Variants in NCOA3 observed in about 807,000 individuals in gnomAD.
NCOA3 encodes the protein CBP-interacting protein.
In NCOA3, 51 loss-of-function variants were observed where a neutral mutation model predicts 158.8. The ratio of observed to expected loss-of-function variants is 0.32; its 90% CI spans 0.26 to 0.41. NCOA3 has a LOEUF of 0.41. Ranked by LOEUF, NCOA3 falls within the 10% of genes least tolerant of loss-of-function variation. NCOA3 has a pLI of 1.00. For synonymous variants in NCOA3, 537 were observed against 592.4 expected (o/e 0.91, Z 1.36); for missense variants, 1,510 against 1,746.6 (o/e 0.86, Z 2.41).
chr20:47,610,097 C>G (rs1273961503), intron 2 of NCOA3, among the ~76,000 whole-genome samples: 14 of 152,024 alleles, frequency 9.2e-5, no homozygotes, highest in Non-Finnish European at 2.1e-4. Flanking sequence ...TATTTTTTAA[C>G]TTTTTGATAT....
intron 2 of NCOA3, among the ~76,000 whole-genome samples, chr20:47,593,334 ATTT>A (rs71183267): frequency 2.7e-4 from 17 of 63,746 alleles, no homozygotes; most frequent in South Asian, 6.0e-4. Context: ...GAGTTGATGG[ATTT>A]TTTTTTTTTT....
chr20:47,582,233 A>G (rs1163811648), intron 1 of NCOA3, among the ~76,000 whole-genome samples: 2 of 151,946 alleles, frequency 1.3e-5, no homozygotes, highest in Admixed American at 1.3e-4. Context: ...TATTTTTGAG[A>G]TGGAGTTTTG....
intron 8 of NCOA3, among the ~76,000 whole-genome samples, chr20:47,632,919 G>C (rs1347131186): frequency 6.6e-6 from 1 of 152,126 alleles, no homozygotes; most frequent in East Asian, 1.9e-4. Flanking sequence ...TTGACCTCGT[G>C]ATCTGCCTGC....
intron 2 of NCOA3, among the ~76,000 whole-genome samples, chr20:47,584,292 C>G (rs957546191): frequency 6.6e-6 from 1 of 151,978 alleles, no homozygotes; most frequent in Non-Finnish European, 1.5e-5. Flanking sequence ...GAAACCTTGT[C>G]TCTAGAAAAT....
intron 2 of NCOA3, among the ~76,000 whole-genome samples, chr20:47,603,468 C>T (rs1809957273): frequency 6.6e-6 from 1 of 152,224 alleles, no homozygotes; most frequent in African/African-American, 2.4e-5. Flanking sequence ...CCCAAGTAGG[C>T]ATGTGTTACA....
chr20:47,527,401 G>A (rs2084474003), intron 1 of NCOA3, among the ~76,000 whole-genome samples: 1 of 151,894 alleles, frequency 6.6e-6, no homozygotes, highest in Non-Finnish European at 1.5e-5. Context: ...TGTTGCTGTT[G>A]TTGTGTCATA....
chr20:47,624,542 A>G (rs74347603), intron 4 of NCOA3, among the ~76,000 whole-genome samples: 3,490 of 152,250 alleles, frequency 0.023, 55 homozygotes, highest in South Asian at 0.039. Context: ...GTTAATACAG[A>G]TGAAACTTTG....
chr20:47,585,255 T>C (rs1241445529), intron 2 of NCOA3, among the ~76,000 whole-genome samples: 3 of 152,130 alleles, frequency 2.0e-5, no homozygotes, highest in Admixed American at 2.0e-4. Context: ...TTTCACCATG[T>C]TGGCCAGGCT....
intron 19 of NCOA3, among the ~76,000 whole-genome samples, chr20:47,650,032 G>C (rs1602545898): frequency 6.6e-6 from 1 of 151,788 alleles, no homozygotes; most frequent in East Asian, 1.9e-4. Flanking sequence ...TCATGTTTCA[G>C]CCCTCCACCA....
At chr20:47,652,715 T>C (rs1301335979) in intron 21 of NCOA3, 135 bp downstream of exon 21, 4 of 1,003,220 alleles carry the variant, frequency 4.0e-6, no homozygotes, top group African/African-American at 1.6e-5. Flanking sequence ...GTGATTTGGC[T>C]TGTCCATTTT....
In NCOA3 at chr20:47,652,523, C is replaced by T. The variant is rs1490196004; in HGVS notation, c.4064C>T (p.Ser1355Phe). The change falls in exon 21 of 23, where the codon TCC becomes TTC. Residue 1355 changes from serine (S) to phenylalanine (F), a missense_variant. This residue lies in a region of NCOA3 where 180 missense variants were observed against 199.3 expected (regional missense o/e 0.90). Transcript: ENST00000371998. The stretch of plus-strand genomic sequence containing the variant: ...ATGATGCAACACCCGCAGGCTGCAT[C>T]CATCTATCAGTCCTCAGAAATGAAG... ...NPMMQHPQAASIYQSSEMKGW... is the reference protein window; with the variant it reads ...NPMMQHPQAAFIYQSSEMKGW... 5 of 1,614,060 alleles carry T rather than the reference C, an allele frequency of 3.1e-6. No individual in the cohort carries two copies. Among genetic ancestry groups the T allele is most frequent in the Admixed American group, 1.7e-5 (1 of 60,028 alleles).
chr20:47,616,585 A>G (rs865924058), intron 2 of NCOA3, among the ~76,000 whole-genome samples: 10 of 152,206 alleles, frequency 6.6e-5, no homozygotes, highest in African/African-American at 2.4e-4. Flanking sequence ...CATTTTAGAT[A>G]AGGAAAATAA....
chr20:47,637,842 G>A, intron 13 of NCOA3, 59 bp downstream of exon 13: 1 of 1,459,520 alleles, frequency 6.9e-7, no homozygotes, highest in Non-Finnish European at 9.3e-7. Flanking sequence ...CTGCATACCT[G>A]TAAACACTCT....
intron 20 of NCOA3, 78 bp from the exon 21 acceptor site, chr20:47,652,325 AAAC>A (rs1429315297): frequency 7.3e-7 from 1 of 1,370,034 alleles, no homozygotes; most frequent in Non-Finnish European, 1.0e-6. Context: ...TTTAAAAAAA[AAAC>A]AAAATTACTA....
intron 1 of NCOA3, among the ~76,000 whole-genome samples, chr20:47,522,421 T>G (rs549745307): frequency 4.3e-4 from 65 of 150,232 alleles, no homozygotes; most frequent in Non-Finnish European, 8.3e-4. Flanking sequence ...TTTTTTTTTT[T>G]TTTGTGGTTT....
intron 1 of NCOA3, among the ~76,000 whole-genome samples, chr20:47,509,762 A>C (rs990399250): frequency 2.0e-5 from 3 of 152,144 alleles, no homozygotes; most frequent in African/African-American, 7.2e-5. Context: ...AAAATTTGGC[A>C]ATTTTATTTG....
At chr20:47,641,406 A>G (rs1248935745) in intron 16 of NCOA3, among the ~76,000 whole-genome samples, 1 of 124,794 alleles carries the variant, frequency 8.0e-6, no homozygotes, top group Non-Finnish European at 1.6e-5. Flanking sequence ...CGGCTCAAGG[A>G]TCTCCTGGGC....
intron 3 of NCOA3, 99 bp from the exon 4 acceptor site, chr20:47,623,812 T>G: frequency 3.9e-6 from 4 of 1,019,826 alleles, no homozygotes; most frequent in Non-Finnish European, 5.6e-6. Flanking sequence ...AAAAAAGTAA[T>G]CATGTAATAG....
chr20:47,531,352 C>T (rs2084542663), intron 1 of NCOA3, among the ~76,000 whole-genome samples: 1 of 151,860 alleles, frequency 6.6e-6, no homozygotes, highest in Non-Finnish European at 1.5e-5. Flanking sequence ...AACAAACAAA[C>T]AAACAAACAA....
Sources: gnomAD v4.1 joint callset for allele counts (sites outside exome capture counted in the v4.1 genomes callset) on GRCh38, gnomAD v4.1.1 for gene constraint, gnomAD v4.1.1 regional missense constraint, MANE v1.5 for transcripts, NCBI Gene and HGNC (gene_info 2026-07-23, HGNC 2026-07-21) for gene names.